The following CNOT6 variants were observed in gnomAD, a reference collection of about 807,000 sequenced individuals.
CNOT6 encodes carbon catabolite repression 4 protein.
Under a neutral mutation model 61.2 loss-of-function variants are expected in CNOT6, and 12 were observed. The ratio of observed to expected loss-of-function variants is 0.20; its 90% CI spans 0.13 to 0.32. The LOEUF (loss-of-function observed/expected upper bound fraction) is 0.32. Ranked by LOEUF, CNOT6 falls within the 10% of genes least tolerant of loss-of-function variation. The pLI is 1.00. For synonymous variants in CNOT6, 225 were observed against 240.6 expected (o/e 0.94, Z 0.60); for missense variants, 405 against 663.9 (o/e 0.61, Z 4.28).
At chr5:180,505,547 ATTTTTTT>A (rs386405833) in intron 1 of CNOT6, among the ~76,000 whole-genome samples, 1 of 85,722 alleles carries the variant, frequency 1.2e-5, no homozygotes, top group Non-Finnish European at 2.2e-5. Context: ...GTACTAGTTA[ATTTTTTT>A]TTTTTTTTTT....
rs1760922016 is a variant in CNOT6 at position 180,574,506 on chromosome 5, G to A, written c.*306G>A. On this transcript the variant is annotated 3_prime_UTR_variant, in exon 12 of 12. Coordinates refer to ENST00000261951, the MANE Select transcript of CNOT6 (RefSeq NM_001370472.1). ...TTCATGCCTGGAAATAGGAAAATGT[G>A]TGAACAGCGTATTCTCTTCACACAG... 4.9e-6 allele frequency: 2 copies of A among 410,242 alleles called. No homozygotes were observed. Among genetic ancestry groups the A allele is most frequent in the Non-Finnish European group, 9.0e-6 (2 of 221,310 alleles). The allele number at this position is 410,242 out of a possible 1,614,324, so 25.4% of individuals were successfully genotyped here.
chr5:180,555,132 G>A (rs1414860539), intron 4 of CNOT6, among the ~76,000 whole-genome samples: 1 of 151,564 alleles, frequency 6.6e-6, no homozygotes, highest in Non-Finnish European at 1.5e-5. Flanking sequence ...TCAGCCTCCC[G>A]AGTAGCTGAG....
In CNOT6 at chr5:180,510,134, CTTTTTTTTTTTTTTTTT is replaced by C. The variant is rs56899929; in HGVS notation, c.-3+15390_-3+15406del. ...TAAATGAGGTTTATCGTCTGTAAAC[CTTTTTTTTTTTTTTTTT>C]TTTTTTTTTTTTTTTTTTAAGAGAT... is the stretch of plus-strand genomic sequence containing the variant. On this transcript the variant is annotated intron_variant, in intron 1 of 11. Transcript: ENST00000261951. 2.6e-3 allele frequency among the ~76,000 whole-genome samples: 97 copies of C among 37,390 alleles called. 3 individuals are homozygous for C. The highest frequency in any genetic ancestry group is 6.9e-3 in the East Asian group (6 of 872). 24.5% of individuals were successfully genotyped at this position (37,390 alleles called of 152,430 possible).
At chr5:180,500,538 C>T (rs1213580744) in intron 1 of CNOT6, among the ~76,000 whole-genome samples, 1 of 151,674 alleles carries the variant, frequency 6.6e-6, no homozygotes, top group South Asian at 2.1e-4. Flanking sequence ...CCCGGGTTCA[C>T]GCCATTCTCC....
intron 1 of CNOT6, among the ~76,000 whole-genome samples, chr5:180,500,016 TAAAC>T (rs1756796455): frequency 6.6e-6 from 1 of 152,208 alleles, no homozygotes; most frequent in South Asian, 2.1e-4. Flanking sequence ...AGCACATAAA[TAAAC>T]AGGAAATATG....
At chr5:180,525,080 A>AT (rs561804698) in intron 1 of CNOT6, among the ~76,000 whole-genome samples, 3 of 152,184 alleles carry the variant, frequency 2.0e-5, no homozygotes, top group African/African-American at 7.2e-5. Flanking sequence ...TGTATTGAAT[A>AT]TTTTTTTATC....
intron 1 of CNOT6, among the ~76,000 whole-genome samples, chr5:180,522,239 G>A (rs1409363618): frequency 1.3e-5 from 2 of 152,030 alleles, no homozygotes; most frequent in African/African-American, 4.8e-5. Context: ...ATCCTCCCAA[G>A]TAGCTGGGAC....
intron 1 of CNOT6, among the ~76,000 whole-genome samples, chr5:180,512,657 C>T (rs923976625): frequency 3.3e-5 from 5 of 151,518 alleles, no homozygotes; most frequent in Non-Finnish European, 5.9e-5. Flanking sequence ...AGCGCAGTGG[C>T]GCAATGTCTG....
At chr5:180,550,184 G>T in intron 3 of CNOT6, 67 bp downstream of exon 3, 1 of 1,277,818 alleles carries the variant, frequency 7.8e-7, no homozygotes, top group Non-Finnish European at 1.1e-6. Flanking sequence ...GCCGGGCGCA[G>T]TGGCTTATGC....
intron 4 of CNOT6, among the ~76,000 whole-genome samples, chr5:180,555,872 C>T (rs1759858671): frequency 6.6e-6 from 1 of 152,298 alleles, no homozygotes; most frequent in Non-Finnish European, 1.5e-5. Context: ...GAAGTTGTTG[C>T]AGAATGGCTG....
At chr5:180,532,941 G>A (rs1334613319) in intron 2 of CNOT6, among the ~76,000 whole-genome samples, 2 of 152,152 alleles carry the variant, frequency 1.3e-5, no homozygotes, top group Non-Finnish European at 2.9e-5. Flanking sequence ...CCCTCCCTGG[G>A]CACACCACCC....
Position 180,529,345 on chromosome 5 carries a change from A to G in CNOT6, c.69A>G (p.Ala23=). The G allele has an allele frequency of 6.2e-7, 1 of 1,613,784 alleles. No individual in the cohort carries two copies. Among genetic ancestry groups the G allele is most frequent in the Non-Finnish European group, 8.5e-7 (1 of 1,179,744 alleles). Residue 23 remains alanine, a synonymous_variant, in exon 2 of 12, where the codon GCA becomes GCG. Transcript: ENST00000261951. Reference sequence around the variant, plus strand: ...ATACAATTATGTCTTCTGAGGAAGCAGCAAATGGAAAGAAATCCCACTGGG... The same window carrying G: ...ATACAATTATGTCTTCTGAGGAAGCGGCAAATGGAAAGAAATCCCACTGGG... ...RMYTIMSSEE[A]ANGKKSHWAE... is the part of the protein sequence containing the mutation.
Position 180,574,192 on chromosome 5 carries a change from A to G in CNOT6, c.1666A>G (p.Arg556Gly), listed in dbSNP as rs774542231. Residue 556 changes from arginine (R) to glycine (G), a missense_variant, in exon 12 of 12, where the codon AGG becomes GGG. Arg to Gly is a moderately radical substitution (Grantham distance 125). Coordinates refer to ENST00000261951, the MANE Select transcript of CNOT6 (RefSeq NM_001370472.1). ...PQVNGIHLPG[R>G]R ...AGTCAACGGCATCCACCTTCCTGGC[A>G]GGAGGTAGTCAAGCACCTTCAGAGG... The G allele has an allele frequency of 3.7e-6, 6 of 1,612,782 alleles. No homozygotes were observed. In the East Asian group the frequency reaches 1.1e-4, roughly 30 times the overall value.
intron 1 of CNOT6, among the ~76,000 whole-genome samples, chr5:180,499,743 G>A (rs2127688803): frequency 6.6e-6 from 1 of 152,286 alleles, no homozygotes; most frequent in Non-Finnish European, 1.5e-5. Context: ...AATAAATGTG[G>A]CATTTTCTTT....
chr5:180,503,926 C>A (rs977762849), intron 1 of CNOT6, among the ~76,000 whole-genome samples: 1 of 152,110 alleles, frequency 6.6e-6, no homozygotes, highest in Non-Finnish European at 1.5e-5. Context: ...TTAACACACT[C>A]TCATGGTATT....
chr5:180,495,541 G>A (rs1561625684), intron 1 of CNOT6: 3 of 152,218 alleles, frequency 2.0e-5, no homozygotes. Flanking sequence ...CATTGACAGC[G>A]TTGTGAATGG....
At chr5:180,496,750 G>A (rs1756631493) in intron 1 of CNOT6, among the ~76,000 whole-genome samples, 1 of 152,180 alleles carries the variant, frequency 6.6e-6, no homozygotes, top group African/African-American at 2.4e-5. Context: ...GGTGACGAAA[G>A]ACAGATTTTC....
rs541248310 is a variant in CNOT6 at position 180,518,476 on chromosome 5, C to T, written c.-2-10799C>T. On this transcript the variant is annotated intron_variant, in intron 1 of 11. Coordinates refer to ENST00000261951, the MANE Select transcript of CNOT6 (RefSeq NM_001370472.1). The stretch of plus-strand genomic sequence containing the variant: ...TAAATCACAAGTCTATATTGATATT[C>T]TCAAGCCAGTTTTAGTATTTGTGTG... 6.6e-5 allele frequency among the ~76,000 whole-genome samples: 10 copies of T among 151,648 alleles called. No individual in the cohort carries two copies. In the South Asian group the frequency reaches 2.1e-3, roughly 32 times the overall value.
intron 1 of CNOT6, among the ~76,000 whole-genome samples, chr5:180,519,562 T>A (rs1757791521): frequency 6.6e-6 from 1 of 152,218 alleles, no homozygotes; most frequent in Admixed American, 6.5e-5. Flanking sequence ...AATGTACATG[T>A]ACACCTTAAA....
Sources: gnomAD v4.1 joint callset for allele counts (sites outside exome capture counted in the v4.1 genomes callset) on GRCh38, gnomAD v4.1.1 for gene constraint, MANE v1.5 for transcripts, NCBI Gene and HGNC (gene_info 2026-07-23, HGNC 2026-07-21) for gene names.